Variants in NRXN3 observed in about 807,000 individuals in gnomAD.
NRXN3 encodes the protein neurexin III.
A neutral mutation model predicts 137.6 loss-of-function variants in NRXN3; 32 were observed. The observed-to-expected ratio is 0.23, with a 90% CI of 0.18 to 0.31. The LOEUF (loss-of-function observed/expected upper bound fraction) is 0.31. NRXN3 is among the 10% of genes least tolerant of loss of function. The pLI is 1.00. For missense variants in NRXN3, 1,574 were observed against 2,062.5 expected (o/e 0.76, Z 4.59); for synonymous variants, 798 against 784.5 (o/e 1.02, Z -0.29).
chr14:79,373,815 TA>T lies in NRXN3; in HGVS notation c.3263-93403del, dbSNP rs573947808. 4.5e-3 allele frequency among the ~76,000 whole-genome samples: 686 copies of T among 152,296 alleles called. 6 individuals carry two copies. The highest frequency in any genetic ancestry group is 7.7e-3 in the Non-Finnish European group (522 of 68,010). ...AGTGGTTTTAGCAAAATAAAAGTAA[TA>T]AATACATAAATGGACTGGTCCCACG... On this transcript the variant is annotated intron_variant, in intron 15 of 20. Transcript: ENST00000335750.
rs149057434 is a variant in NRXN3, at chr14:78,715,106, G to A, written c.2011G>A (p.Gly671Ser). ...GWNRFICDCT[G>S]TGYWGRTCER... The stretch of plus-strand genomic sequence containing the variant: ...GAACCGCTTCATCTGCGACTGCACC[G>A]GCACCGGATACTGGGGAAGAACCTG... The change falls in exon 8 of 21, where the codon GGC (glycine) becomes AGC (serine). Residue 671 changes from glycine (G) to serine (S), a missense_variant. Gly to Ser is a moderately conservative substitution (Grantham distance 56). Coordinates refer to ENST00000335750, the MANE Select transcript of NRXN3 (RefSeq NM_001330195.2). 15 of 1,611,298 alleles carry A rather than the reference G, an allele frequency of 9.3e-6. No individual in the cohort carries two copies. Among genetic ancestry groups the A allele is most frequent in the South Asian group, 7.7e-5 (7 of 91,070 alleles).
chr14:78,765,849 A>G (rs867939994), intron 8 of NRXN3, among the ~76,000 whole-genome samples: 2 of 151,950 alleles, frequency 1.3e-5, no homozygotes, highest in Non-Finnish European at 2.9e-5. Flanking sequence ...TTTCATCTCC[A>G]TATCTATAGA....
At chr14:78,191,348 C>T (rs2060710180) in intron 1 of NRXN3, among the ~76,000 whole-genome samples, 2 of 152,100 alleles carry the variant, frequency 1.3e-5, no homozygotes, top group Admixed American at 1.3e-4. Flanking sequence ...TATGGCTTCC[C>T]TCGGTATACC....
chr14:78,722,742 G>A (rs888212216), intron 8 of NRXN3, among the ~76,000 whole-genome samples: 2 of 152,142 alleles, frequency 1.3e-5, no homozygotes, highest in African/African-American at 4.8e-5. Context: ...TGAGTGCTAC[G>A]TGCCAGGGAC....
At chr14:79,229,622 G>T (rs1280335007) in intron 15 of NRXN3, among the ~76,000 whole-genome samples, 1 of 152,198 alleles carries the variant, frequency 6.6e-6, no homozygotes, top group Non-Finnish European at 1.5e-5. Context: ...GGAGCAGAAA[G>T]TATGCTGGCG....
At chr14:79,636,410 C>T (rs1050067121) in intron 16 of NRXN3, among the ~76,000 whole-genome samples, 1 of 151,784 alleles carries the variant, frequency 6.6e-6, no homozygotes, top group African/African-American at 2.4e-5. Context: ...TTTTGTTTTT[C>T]TTTTTTTGTT....
chr14:79,711,401 A>AATTT (rs2083461363), intron 19 of NRXN3, among the ~76,000 whole-genome samples: 1 of 151,986 alleles, frequency 6.6e-6, no homozygotes, highest in Non-Finnish European at 1.5e-5. Context: ...TTCACATTTT[A>AATTT]ATTTATTTTT....
At chr14:78,966,489 G>A in intron 12 of NRXN3, 83 bp downstream of exon 12, 1 of 1,419,620 alleles carries the variant, frequency 7.0e-7, no homozygotes, top group Non-Finnish European at 9.6e-7. Flanking sequence ...AAAATAACTT[G>A]TCTATTCTAC....
chr14:79,331,989 A>G (rs2091747579), intron 15 of NRXN3, among the ~76,000 whole-genome samples: 1 of 152,174 alleles, frequency 6.6e-6, no homozygotes, highest in Admixed American at 6.5e-5. Flanking sequence ...TGCTGATTAG[A>G]TGGAAAAGCA....
chr14:78,981,106 A>T (rs773360185), intron 14 of NRXN3, among the ~76,000 whole-genome samples: 1 of 152,204 alleles, frequency 6.6e-6, no homozygotes, highest in Non-Finnish European at 1.5e-5. Context: ...ATGAAAAATT[A>T]TGATTATTAA....
intron 4 of NRXN3, among the ~76,000 whole-genome samples, chr14:78,320,461 C>G (rs545865318): frequency 2.0e-5 from 3 of 152,234 alleles, no homozygotes; most frequent in African/African-American, 7.2e-5. Context: ...CTTATCTGCT[C>G]CTGGCCAGAC....
intron 17 of NRXN3, among the ~76,000 whole-genome samples, chr14:79,667,211 C>T (rs937033802): frequency 7.2e-5 from 11 of 152,044 alleles, no homozygotes; most frequent in African/African-American, 2.7e-4. Context: ...AAAATGTGTC[C>T]TTTTGTTTTC....
At chr14:79,159,532 AT>A (rs747430165) in intron 15 of NRXN3, among the ~76,000 whole-genome samples, 1 of 151,644 alleles carries the variant, frequency 6.6e-6, no homozygotes, top group Non-Finnish European at 1.5e-5. Flanking sequence ...CAAAAAGATT[AT>A]TTTTTTCTTC....
At chr14:78,420,343 C>A (rs972858860) in intron 4 of NRXN3, among the ~76,000 whole-genome samples, 1 of 152,118 alleles carries the variant, frequency 6.6e-6, no homozygotes, top group African/African-American at 2.4e-5. Context: ...CAGTTTGCAA[C>A]TACAGATTTA....
chr14:79,391,560 A>G lies in NRXN3; in HGVS notation c.3263-75661A>G, dbSNP rs2094845345. 2.0e-5 allele frequency among the ~76,000 whole-genome samples: 3 copies of G among 152,370 alleles called. No homozygotes were observed. In the South Asian group the frequency reaches 6.2e-4, roughly 32 times the overall value. On this transcript the variant is annotated intron_variant, in intron 15 of 20. Transcript: ENST00000335750. ...AAATATTATCTAACAAAATATATGA[A>G]TGCATAATTAGTGTCTTCAAGGGAT...
chr14:79,093,479 A>G (rs1006091722), intron 15 of NRXN3, among the ~76,000 whole-genome samples: 3 of 152,178 alleles, frequency 2.0e-5, no homozygotes, highest in African/African-American at 7.2e-5. Flanking sequence ...GAAAAGGAAA[A>G]AGACACCATT....
rs370872174 is a variant in NRXN3 at position 78,778,774 on chromosome 14, T to A, written c.2045-24846T>A. Among the ~76,000 whole-genome samples, 48 of 94,724 alleles carry A rather than the reference T, an allele frequency of 5.1e-4. 1 individual carries two copies. The highest frequency in any genetic ancestry group is 2.1e-3 in the African/African-American group (41 of 19,604). 62.1% of individuals were successfully genotyped at this position (94,724 alleles called of 152,430 possible). ...TCCTTCTTTCTCTTTCTTTCTTTCT[T>A]TCTTTCTTTCTTTCTTTCTTTCTTT... On this transcript the variant is annotated intron_variant, in intron 8 of 20. Coordinates refer to ENST00000335750, the MANE Select transcript of NRXN3 (RefSeq NM_001330195.2).
intron 8 of NRXN3, among the ~76,000 whole-genome samples, chr14:78,801,834 A>G (rs1397042659): frequency 6.6e-6 from 1 of 152,142 alleles, no homozygotes; most frequent in Non-Finnish European, 1.5e-5. Flanking sequence ...ACTCTATCCC[A>G]TCTGCCTTAA....
intron 4 of NRXN3, among the ~76,000 whole-genome samples, chr14:78,518,187 T>A (rs1394191469): frequency 6.6e-6 from 1 of 152,222 alleles, no homozygotes; most frequent in Non-Finnish European, 1.5e-5. Flanking sequence ...TTTTCAGTGG[T>A]TCTTGGCAAT....
Sources: allele counts gnomAD v4.1 joint callset (sites outside exome capture counted in the v4.1 genomes callset), GRCh38; gene constraint gnomAD v4.1.1; transcripts MANE v1.5; gene names NCBI Gene and HGNC (gene_info 2026-07-23, HGNC 2026-07-21).